The following KCNIP4 variants were observed in gnomAD, a reference collection of about 807,000 sequenced individuals.
The protein encoded by KCNIP4 is potassium voltage-gated channel interacting protein 4.
A neutral mutation model predicts 34.0 loss-of-function variants in KCNIP4; 12 were observed. The observed-to-expected ratio is 0.35, with a 90% CI of 0.23 to 0.57. The LOEUF is 0.57. Ranked by LOEUF, KCNIP4 falls within the 20% of genes least tolerant of loss-of-function variation. KCNIP4 has a pLI of 0.83. For missense variants in KCNIP4, 238 were observed against 311.7 expected, an observed-to-expected ratio of 0.76 and a Z score of 1.78; for synonymous variants, 124 against 102.2, an observed-to-expected ratio of 1.21 and a Z score of -1.29.
At chr4:21,083,471 C>A (rs192044304) in intron 1 of KCNIP4, among the ~76,000 whole-genome samples, 1 of 151,816 alleles carries the variant, frequency 6.6e-6, no homozygotes, top group African/African-American at 2.4e-5. Flanking sequence ...CAAGTGGACC[C>A]TAGGTGAAGT....
At chr4:20,794,365 C>T (rs758276017) in intron 3 of KCNIP4, among the ~76,000 whole-genome samples, 3 of 152,160 alleles carry the variant, frequency 2.0e-5, no homozygotes, top group Non-Finnish European at 4.4e-5. Flanking sequence ...TTGCTGGCCA[C>T]TCACCTCCTG....
intron 3 of KCNIP4, among the ~76,000 whole-genome samples, chr4:20,776,643 C>G (rs1756395356): frequency 6.6e-6 from 1 of 152,032 alleles, no homozygotes; most frequent in Non-Finnish European, 1.5e-5. Context: ...AATGATTTCC[C>G]TAATTCTACC....
chr4:21,940,652 G>T (rs1730153090), intron 1 of KCNIP4, among the ~76,000 whole-genome samples: 1 of 151,958 alleles, frequency 6.6e-6, no homozygotes, highest in Admixed American at 6.6e-5. Context: ...GCTACAAGTA[G>T]ATATCATTAC....
intron 1 of KCNIP4, among the ~76,000 whole-genome samples, chr4:21,589,156 GTATATATATATATATATATATATATATA>G (rs375787939): frequency 2.8e-5 from 2 of 71,214 alleles, no homozygotes; most frequent in Non-Finnish European, 5.5e-5. Context: ...ATGGAGGTGT[GTATATATATATATATATATATATATATA>G]TATATATATA....
At chr4:21,370,838 TATATATATATATACACACAC>T (rs1444895072) in intron 1 of KCNIP4, among the ~76,000 whole-genome samples, 5 of 30,790 alleles carry the variant, frequency 1.6e-4, no homozygotes, top group Non-Finnish European at 2.5e-4. Flanking sequence ...TATATATATA[TATATATATATATACACACAC>T]ACACACACAC....
intron 4 of KCNIP4, among the ~76,000 whole-genome samples, chr4:20,756,396 A>C (rs1425846574): frequency 6.6e-6 from 1 of 151,978 alleles, no homozygotes; most frequent in Non-Finnish European, 1.5e-5. Context: ...AATCCTATTT[A>C]TCTCTTTTCT....
Position 21,667,217 on chromosome 4 carries a change from G to A in KCNIP4, c.61+281354C>T, listed in dbSNP as rs371291745. Among the ~76,000 whole-genome samples the A allele has an allele frequency of 3.6e-4, 55 of 152,286 alleles. 1 individual carries two copies. The South Asian group carries it at 9.3e-3, about 26-fold the overall frequency. On this transcript the variant is annotated intron_variant, in intron 1 of 8. Coordinates refer to ENST00000382152, the MANE Select transcript of KCNIP4 (RefSeq NM_025221.6). Reference sequence around the variant, plus strand: ...AGATCTCATAATTCTATAGACCTTAGGAAAATTCCGGCTCATCTCACATTA... The same window carrying A: ...AGATCTCATAATTCTATAGACCTTAAGAAAATTCCGGCTCATCTCACATTA...
intron 1 of KCNIP4, among the ~76,000 whole-genome samples, chr4:21,890,112 C>T (rs1457478157): frequency 6.6e-6 from 1 of 151,986 alleles, no homozygotes; most frequent in Admixed American, 6.6e-5. Context: ...TGATGATCAC[C>T]CCCTAAATGA....
At chr4:21,023,345 T>C (rs1047702548) in intron 1 of KCNIP4, among the ~76,000 whole-genome samples, 3 of 151,958 alleles carry the variant, frequency 2.0e-5, no homozygotes, top group East Asian at 1.9e-4. Context: ...AAAAATATAA[T>C]AACCAAAATA....
At chr4:21,759,898 GAATTT>G (rs1396410862) in intron 1 of KCNIP4, among the ~76,000 whole-genome samples, 1 of 151,864 alleles carries the variant, frequency 6.6e-6, no homozygotes, top group African/African-American at 2.4e-5. Flanking sequence ...ACCTCTGCTT[GAATTT>G]AATATACTGC....
At chr4:21,932,047 C>T (rs1729599228) in intron 1 of KCNIP4, among the ~76,000 whole-genome samples, 1 of 152,098 alleles carries the variant, frequency 6.6e-6, no homozygotes, top group Admixed American at 6.6e-5. Flanking sequence ...ATCAGACCCA[C>T]ACTGCATGGA....
At chr4:21,519,810 TGTGTGTGTATACACAC>T (rs1401835109) in intron 1 of KCNIP4, among the ~76,000 whole-genome samples, 2 of 132,922 alleles carry the variant, frequency 1.5e-5, no homozygotes, top group Admixed American at 1.5e-4. Flanking sequence ...CGTGTGTGTA[TGTGTGTGTATACACAC>T]GTGTGTGTAT....
intron 1 of KCNIP4, among the ~76,000 whole-genome samples, chr4:21,223,007 A>G (rs1758091673): frequency 6.6e-6 from 1 of 152,206 alleles, no homozygotes; most frequent in African/African-American, 2.4e-5. Context: ...CTGGCCTCCC[A>G]AAGATGTCCA....
At chr4:21,078,939 T>C (rs1209081053) in intron 1 of KCNIP4, among the ~76,000 whole-genome samples, 3 of 152,078 alleles carry the variant, frequency 2.0e-5, no homozygotes. Flanking sequence ...GCCTGGGCTG[T>C]CCTCTTTCAC....
intron 1 of KCNIP4, among the ~76,000 whole-genome samples, chr4:21,868,467 C>A (rs113818761): frequency 6.6e-6 from 1 of 152,098 alleles, no homozygotes; most frequent in African/African-American, 2.4e-5. Flanking sequence ...TGCTACTGAT[C>A]GCTGCTATGA....
At chr4:21,699,149 A>C (rs1259548966) in intron 1 of KCNIP4, among the ~76,000 whole-genome samples, 1 of 152,238 alleles carries the variant, frequency 6.6e-6, no homozygotes, top group Non-Finnish European at 1.5e-5. Context: ...TGGTTTAATT[A>C]GTTGAACACC....
intron 1 of KCNIP4, among the ~76,000 whole-genome samples, chr4:20,985,083 A>C (rs1437920747): frequency 2.0e-5 from 3 of 152,178 alleles, no homozygotes; most frequent in African/African-American, 7.2e-5. Context: ...CCAACCTAAA[A>C]ACGGAGATGA....
At chr4:21,265,764 C>T (rs1407376561) in intron 1 of KCNIP4, among the ~76,000 whole-genome samples, 1 of 152,160 alleles carries the variant, frequency 6.6e-6, no homozygotes, top group African/African-American at 2.4e-5. Flanking sequence ...GGTGGAAGGA[C>T]ACTTAAACAA....
chr4:21,757,225 A>G (rs1294515099), intron 1 of KCNIP4, among the ~76,000 whole-genome samples: 1 of 25,666 alleles, frequency 3.9e-5, no homozygotes, highest in Admixed American at 2.4e-4. Context: ...GAAAGAAAGA[A>G]AGAAAGAAAG....
Sources: gnomAD v4.1 joint callset for allele counts (sites outside exome capture counted in the v4.1 genomes callset) on GRCh38, gnomAD v4.1.1 for gene constraint, MANE v1.5 for transcripts, NCBI Gene and HGNC (gene_info 2026-07-23, HGNC 2026-07-21) for gene names.